BCAT1: variants seen among roughly 807,000 people sequenced by gnomAD.
BCAT1 encodes branched chain amino acid transaminase 1.
A neutral mutation model predicts 52.4 loss-of-function variants in BCAT1; 48 were observed. That is an observed-to-expected ratio of 0.92 (90% CI 0.73 to 1.16). The LOEUF (loss-of-function observed/expected upper bound fraction) is 1.16, where lower values mean the gene tolerates loss of function less well. Among genes scored for constraint, BCAT1 ranks in the 50% most tolerant of loss-of-function variants. The pLI, the probability that BCAT1 is intolerant of heterozygous loss-of-function variation, is 0.00. For missense variants in BCAT1, 451 were observed against 457.1 expected (o/e 0.99, Z 0.12); for synonymous variants, 167 against 161.3 (o/e 1.04, Z -0.27).
intron 10 of BCAT1, among the ~76,000 whole-genome samples, chr12:24,828,104 T>C (rs918680798): frequency 3.9e-5 from 6 of 152,194 alleles, no homozygotes; most frequent in Admixed American, 3.9e-4. Context: ...TCTGGAGGCC[T>C]GTTGCATTCT....
At chr12:24,862,896 T>C (rs1425585643) in intron 5 of BCAT1, among the ~76,000 whole-genome samples, 1 of 152,224 alleles carries the variant, frequency 6.6e-6, no homozygotes, top group Non-Finnish European at 1.5e-5. Flanking sequence ...CCTTTGTCTC[T>C]TGCCTGATTT....
At chr12:24,860,097 A>G (rs1941813303) in intron 5 of BCAT1, among the ~76,000 whole-genome samples, 1 of 152,204 alleles carries the variant, frequency 6.6e-6, no homozygotes, top group Non-Finnish European at 1.5e-5. Flanking sequence ...CTTTCCTAAG[A>G]CTTTATGTTA....
chr12:24,885,878 T>C (rs1565482501), intron 3 of BCAT1, among the ~76,000 whole-genome samples: 1 of 152,150 alleles, frequency 6.6e-6, no homozygotes, highest in Non-Finnish European at 1.5e-5. Flanking sequence ...AATCAACTTC[T>C]AGGATTAAAG....
chr12:24,933,161 G>T (rs1405184459), intron 1 of BCAT1, among the ~76,000 whole-genome samples: 16 of 117,278 alleles, frequency 1.4e-4, no homozygotes, highest in African/African-American at 4.3e-4. Flanking sequence ...CAGAGATGAG[G>T]TTTCGCTATG....
intron 10 of BCAT1, among the ~76,000 whole-genome samples, chr12:24,825,157 C>A (rs906858378): frequency 7.7e-5 from 11 of 143,078 alleles, no homozygotes; most frequent in African/African-American, 2.8e-4. Flanking sequence ...ATATATATAT[C>A]TTTATGCCAC....
chr12:24,823,230 G>C (rs144638704), intron 10 of BCAT1, among the ~76,000 whole-genome samples: 1 of 34,310 alleles, frequency 2.9e-5, no homozygotes. Context: ...TTGTTTGTTT[G>C]TTTGTTTGTT....
chr12:24,887,080 A>AAATATATATATATATAT (rs1245203518), intron 3 of BCAT1, among the ~76,000 whole-genome samples: 6 of 40,746 alleles, frequency 1.5e-4, no homozygotes, highest in Non-Finnish European at 2.6e-4. Context: ...AAAAAAAAAA[A>AAATATATATATATATAT]ATATATATAT....
chr12:24,938,339 G>A (rs1460921552), intron 1 of BCAT1, among the ~76,000 whole-genome samples: 1 of 152,214 alleles, frequency 6.6e-6, no homozygotes, highest in Non-Finnish European at 1.5e-5. Flanking sequence ...AGACCAGGAG[G>A]AGCAGGAAAC....
chr12:24,933,726 C>T (rs1236422434), intron 1 of BCAT1, among the ~76,000 whole-genome samples: 6 of 151,964 alleles, frequency 3.9e-5, no homozygotes, highest in Non-Finnish European at 5.9e-5. Context: ...TTTAGGAGCA[C>T]AGGTTAATAG....
rs1939761338 is a variant in BCAT1, at chr12:24,813,434, T to C, written c.*4574A>G. On this transcript the variant is annotated 3_prime_UTR_variant, in exon 11 of 11. Coordinates refer to ENST00000261192, the MANE Select transcript of BCAT1 (RefSeq NM_005504.7). Reference sequence around the variant, plus strand: ...CTTCAAGCTAATACTTTAAACAGCATGGTTCATAATAGATATTTTCTAGAA... The same window carrying C: ...CTTCAAGCTAATACTTTAAACAGCACGGTTCATAATAGATATTTTCTAGAA... 1 of 152,056 alleles carries C rather than the reference T, an allele frequency of 6.6e-6. No homozygotes were observed. The highest frequency in any genetic ancestry group is 2.4e-5 in the African/African-American group (1 of 41,444). 9.4% of individuals were successfully genotyped at this position (152,056 alleles called of 1,614,324 possible). A position where few individuals can be genotyped will look rare whatever the true frequency, so the allele number is the denominator to read the frequency against.
At chr12:24,871,048 A>G (rs1408348088) in intron 5 of BCAT1, among the ~76,000 whole-genome samples, 1 of 152,146 alleles carries the variant, frequency 6.6e-6, no homozygotes, top group African/African-American at 2.4e-5. Context: ...AAAGATTGTT[A>G]TCAGAGTTAG....
intron 7 of BCAT1, among the ~76,000 whole-genome samples, chr12:24,836,910 GAAAGAA>G (rs1026677109): frequency 3.0e-4 from 3 of 9,934 alleles, no homozygotes; most frequent in Admixed American, 9.2e-4. Context: ...AAGAAAGAGA[GAAAGAA>G]AGAAAGAAAG....
At chr12:24,936,025 A>G (rs901783193) in intron 1 of BCAT1, among the ~76,000 whole-genome samples, 1 of 152,238 alleles carries the variant, frequency 6.6e-6, no homozygotes, top group South Asian at 2.1e-4. Context: ...CCCTACTTCT[A>G]CTAACAGTCT....
intron 1 of BCAT1, among the ~76,000 whole-genome samples, chr12:24,906,084 G>C (rs1158710250): frequency 1.3e-5 from 2 of 151,770 alleles, no homozygotes; most frequent in African/African-American, 4.8e-5. Flanking sequence ...AGCTACTCAC[G>C]GGATTAAGGT....
intron 1 of BCAT1, chr12:24,902,112 C>A (rs1943122060): frequency 6.8e-7 from 1 of 1,463,936 alleles, no homozygotes; most frequent in East Asian, 2.5e-5. Flanking sequence ...CGGTTTTTGT[C>A]CTCCTCCGCC....
intron 1 of BCAT1, chr12:24,903,265 AGAATGCGC>A (rs1943166740): frequency 2.6e-5 from 13 of 502,324 alleles, no homozygotes; most frequent in Non-Finnish European, 3.4e-5. Flanking sequence ...CGGAGGCCCG[AGAATGCGC>A]GCCACGAACG....
intron 10 of BCAT1, among the ~76,000 whole-genome samples, chr12:24,823,233 TG>T (rs1414496584): frequency 5.9e-5 from 9 of 151,654 alleles, no homozygotes; most frequent in Non-Finnish European, 4.4e-5. Flanking sequence ...TTTGTTTGTT[TG>T]TTTGTTTGTT....
At chr12:24,859,847 G>A (rs1823586645) in intron 5 of BCAT1, among the ~76,000 whole-genome samples, 1 of 151,876 alleles carries the variant, frequency 6.6e-6, no homozygotes, top group African/African-American at 2.4e-5. Flanking sequence ...TGACATATTT[G>A]GCTTACTTGG....
chr12:24,821,243 G>A (rs1003727820), intron 10 of BCAT1, among the ~76,000 whole-genome samples: 2 of 152,174 alleles, frequency 1.3e-5, no homozygotes, highest in African/African-American at 4.8e-5. Flanking sequence ...AGCCACTAGT[G>A]AGAACATAGA....
Sources: gnomAD v4.1 joint callset for allele counts (sites outside exome capture counted in the v4.1 genomes callset) on GRCh38, gnomAD v4.1.1 for gene constraint, MANE v1.5 for transcripts, NCBI Gene and HGNC (gene_info 2026-07-23, HGNC 2026-07-21) for gene names.